The following STXBP5L variants were observed in gnomAD, a reference collection of about 807,000 sequenced individuals.
STXBP5L encodes the protein syntaxin-binding protein 5-like.
In STXBP5L, 65 loss-of-function variants were observed where a neutral mutation model predicts 144.5. The ratio of observed to expected loss-of-function variants is 0.45; its 90% CI spans 0.37 to 0.55. The LOEUF (loss-of-function observed/expected upper bound fraction) is 0.55. STXBP5L is among the 20% of genes least tolerant of loss of function. STXBP5L has a pLI of 0.00. For missense variants in STXBP5L, 1,298 were observed against 1,405.5 expected, an observed-to-expected ratio of 0.92 and a Z score of 1.22; for synonymous variants, 505 against 469.6, an observed-to-expected ratio of 1.08 and a Z score of -0.97.
chr3:121,240,038 A>C (rs781301492), intron 13 of STXBP5L, among the ~76,000 whole-genome samples: 65 of 152,222 alleles, frequency 4.3e-4, no homozygotes, highest in Non-Finnish European at 7.5e-4. Flanking sequence ...CAGATTATCT[A>C]TTATGATTTC....
chr3:121,391,791 G>A (rs946679078), intron 22 of STXBP5L, among the ~76,000 whole-genome samples: 3 of 152,168 alleles, frequency 2.0e-5, no homozygotes, highest in African/African-American at 7.2e-5. Context: ...TCCCAGAGGG[G>A]CAGCCACCTA....
intron 20 of STXBP5L, among the ~76,000 whole-genome samples, chr3:121,376,125 A>G (rs2046176971): frequency 6.6e-6 from 1 of 152,214 alleles, no homozygotes; most frequent in Admixed American, 6.5e-5. Context: ...GTATGCCAGC[A>G]CATATTCTAG....
intron 20 of STXBP5L, among the ~76,000 whole-genome samples, chr3:121,319,312 A>T (rs901515329): frequency 6.6e-6 from 1 of 152,152 alleles, no homozygotes; most frequent in African/African-American, 2.4e-5. Context: ...CATTATTTTA[A>T]TTTGAACCTT....
chr3:121,181,919 C>T (rs1208299320), intron 9 of STXBP5L, among the ~76,000 whole-genome samples: 1 of 147,402 alleles, frequency 6.8e-6, no homozygotes, highest in Admixed American at 6.8e-5. Context: ...TTATATCAGA[C>T]AACATAGACA....
chr3:121,113,209 T>G (rs1317566953), intron 5 of STXBP5L, among the ~76,000 whole-genome samples: 1 of 152,222 alleles, frequency 6.6e-6, no homozygotes, highest in African/African-American at 2.4e-5. Context: ...TATTGAGGTT[T>G]GCTTTTTTTC....
At chr3:121,052,978 A>G (rs745405192) in intron 5 of STXBP5L, among the ~76,000 whole-genome samples, 16 of 152,218 alleles carry the variant, frequency 1.1e-4, no homozygotes, top group Non-Finnish European at 1.9e-4. Flanking sequence ...CCAAATCATG[A>G]GTGAACTCCC....
At chr3:121,195,676 T>C (rs780870712) in intron 9 of STXBP5L, among the ~76,000 whole-genome samples, 10 of 152,232 alleles carry the variant, frequency 6.6e-5, no homozygotes, top group Admixed American at 6.5e-5. Flanking sequence ...TTTAGTAAAC[T>C]AATAGATTGC....
At chr3:121,161,952 G>A (rs565946290) in intron 9 of STXBP5L, among the ~76,000 whole-genome samples, 1 of 152,070 alleles carries the variant, frequency 6.6e-6, no homozygotes, top group Admixed American at 6.5e-5. Flanking sequence ...TTTAGAAAGA[G>A]TATTCAAAAT....
At chr3:120,996,978 G>T (rs947564696) in intron 3 of STXBP5L, among the ~76,000 whole-genome samples, 2 of 152,010 alleles carry the variant, frequency 1.3e-5, no homozygotes, top group African/African-American at 4.8e-5. Context: ...AGTAGGCACT[G>T]GTGTTTCATC....
chr3:121,227,079 A>G (rs1026062478), intron 11 of STXBP5L, among the ~76,000 whole-genome samples: 2 of 152,210 alleles, frequency 1.3e-5, no homozygotes, highest in Non-Finnish European at 1.5e-5. Context: ...AAATAAAAAT[A>G]AGAATATTCA....
In STXBP5L at chr3:121,160,458, A is replaced by G. The variant is rs548207255; in HGVS notation, c.877+2831A>G. On this transcript the variant is annotated intron_variant, in intron 9 of 26. Transcript: ENST00000471454. Reference sequence around the variant, plus strand: ...ATAAAAAGAAACAATACAGTATCACAACTATTTGCATAGTGTCACACTGTA... The same window carrying G: ...ATAAAAAGAAACAATACAGTATCACGACTATTTGCATAGTGTCACACTGTA... Among the ~76,000 whole-genome samples, 11 of 152,360 alleles carry G rather than the reference A, an allele frequency of 7.2e-5. No individual in the cohort carries two copies. The South Asian group carries it at 1.9e-3, about 26-fold the overall frequency.
chr3:121,354,981 G>A (rs956325140), intron 20 of STXBP5L, among the ~76,000 whole-genome samples: 24 of 152,102 alleles, frequency 1.6e-4, no homozygotes, highest in African/African-American at 5.1e-4. Flanking sequence ...GAAATTCTGG[G>A]TTGAAAATTC....
chr3:121,094,824 G>T (rs993945636), intron 5 of STXBP5L, among the ~76,000 whole-genome samples: 1 of 151,624 alleles, frequency 6.6e-6, no homozygotes, highest in Non-Finnish European at 1.5e-5. Flanking sequence ...TATGATGTTA[G>T]GTGGTTATTT....
intron 5 of STXBP5L, among the ~76,000 whole-genome samples, chr3:121,111,655 A>T (rs2043992467): frequency 6.6e-6 from 1 of 152,140 alleles, no homozygotes; most frequent in Admixed American, 6.5e-5. Context: ...AATGGTCCTA[A>T]ATAAGGTGTC....
intron 11 of STXBP5L, among the ~76,000 whole-genome samples, chr3:121,233,103 A>G (rs748979856): frequency 6.6e-6 from 1 of 152,190 alleles, no homozygotes; most frequent in African/African-American, 2.4e-5. Context: ...AACCAGATTG[A>G]TATGATATGG....
intron 20 of STXBP5L, chr3:121,356,986 G>T: frequency 1.1e-5 from 2 of 175,034 alleles, no homozygotes; most frequent in South Asian, 2.8e-4. Context: ...AAAACAGCAA[G>T]AATTTTGTCT....
At chr3:121,259,797 T>A (rs2050327046) in intron 18 of STXBP5L, among the ~76,000 whole-genome samples, 1 of 151,990 alleles carries the variant, frequency 6.6e-6, no homozygotes, top group Non-Finnish European at 1.5e-5. Flanking sequence ...GATTTTTTTA[T>A]TAGTTGTTCC....
At chr3:121,094,948 G>T (rs2043035384) in intron 5 of STXBP5L, among the ~76,000 whole-genome samples, 2 of 152,058 alleles carry the variant, frequency 1.3e-5, no homozygotes, top group Non-Finnish European at 2.9e-5. Context: ...TCCTTCAGGA[G>T]CTCTTTTAGG....
chr3:121,061,459 G>A (rs368481942), intron 5 of STXBP5L, among the ~76,000 whole-genome samples: 10 of 152,204 alleles, frequency 6.6e-5, no homozygotes, highest in South Asian at 2.1e-4. Context: ...TTGATTTGGG[G>A]TGGAGAGTTC....
Sources: allele counts gnomAD v4.1 joint callset (sites outside exome capture counted in the v4.1 genomes callset), GRCh38; gene constraint gnomAD v4.1.1; transcripts MANE v1.5; gene names NCBI Gene and HGNC (gene_info 2026-07-23, HGNC 2026-07-21).